The following WWOX variants were observed in gnomAD, a reference collection of about 807,000 sequenced individuals.
WWOX encodes WW domain containing oxidoreductase.
WWOX carries 69 observed loss-of-function variants against 46.2 expected under a neutral mutation model. The observed-to-expected ratio is 1.49, with a 90% CI of 1.23 to 1.82. The LOEUF is 1.82. WWOX is among the 40% of genes most tolerant of loss of function. The pLI, the probability that WWOX is intolerant of heterozygous loss-of-function variation, is 0.00. For missense variants in WWOX, 919 were observed against 542.6 expected (o/e 1.69, Z -6.89); for synonymous variants, 359 against 202.6 (o/e 1.77, Z -6.56).
At chr16:79,174,577 G>C (rs769675631) in intron 8 of WWOX, among the ~76,000 whole-genome samples, 12 of 152,238 alleles carry the variant, frequency 7.9e-5, no homozygotes, top group South Asian at 2.1e-4. Context: ...GAACCTGGGA[G>C]ACAGAGGTTT....
intron 8 of WWOX, chr16:78,526,584 A>G (rs1206281896): frequency 6.6e-6 from 1 of 152,126 alleles, no homozygotes; most frequent in African/African-American, 2.4e-5. Flanking sequence ...CCCAGATTGG[A>G]TCCTCTGCTC....
chr16:78,121,405 G>C (rs778620340), intron 4 of WWOX, among the ~76,000 whole-genome samples: 1 of 152,104 alleles, frequency 6.6e-6, no homozygotes, highest in Non-Finnish European at 1.5e-5. Context: ...TAAAAATTGA[G>C]AATTAGTACC....
chr16:78,886,905 C>G (rs908064008), intron 8 of WWOX, among the ~76,000 whole-genome samples: 1 of 151,924 alleles, frequency 6.6e-6, no homozygotes, highest in African/African-American at 2.4e-5. Context: ...ACTTTTTCCT[C>G]GAACTAGTTC....
At chr16:78,307,568 G>A (rs955158195) in intron 5 of WWOX, among the ~76,000 whole-genome samples, 2 of 152,214 alleles carry the variant, frequency 1.3e-5, no homozygotes, top group African/African-American at 2.4e-5. Flanking sequence ...GATTCAGAAG[G>A]AACCAGCTGT....
At chr16:78,331,078 T>C (rs2080744414) in intron 5 of WWOX, among the ~76,000 whole-genome samples, 1 of 152,136 alleles carries the variant, frequency 6.6e-6, no homozygotes, top group Non-Finnish European at 1.5e-5. Flanking sequence ...CCCCAAAAGA[T>C]TAAAATATAG....
At chr16:78,146,057 T>A (rs1221295705) in intron 4 of WWOX, 1 of 152,186 alleles carries the variant, frequency 6.6e-6, no homozygotes, top group Non-Finnish European at 1.5e-5. Flanking sequence ...GATAAGGACT[T>A]TAAAATGGTG....
intron 5 of WWOX, among the ~76,000 whole-genome samples, chr16:78,221,161 A>T (rs1158566496): frequency 6.6e-6 from 1 of 152,170 alleles, no homozygotes; most frequent in East Asian, 1.9e-4. Context: ...TTACTGTTGG[A>T]GCTTAAAGAA....
At chr16:79,208,381 CAA>C (rs5818213) in intron 8 of WWOX, among the ~76,000 whole-genome samples, 13 of 149,154 alleles carry the variant, frequency 8.7e-5, no homozygotes, top group Non-Finnish European at 1.5e-4. Flanking sequence ...GATTGATTCT[CAA>C]AAAAAAAAAA....
intron 8 of WWOX, among the ~76,000 whole-genome samples, chr16:78,649,783 A>C (rs1041610298): frequency 2.6e-5 from 4 of 152,174 alleles, no homozygotes; most frequent in Admixed American, 1.3e-4. Flanking sequence ...CCTTAGGAAA[A>C]CCTTACACTT....
At chr16:78,863,785 C>G (rs1048623339) in intron 8 of WWOX, among the ~76,000 whole-genome samples, 11 of 152,170 alleles carry the variant, frequency 7.2e-5, no homozygotes, top group Non-Finnish European at 1.6e-4. Context: ...CAAACTATCA[C>G]AGGCATAGTG....
chr16:78,589,890 G>GA (rs1174629298), intron 8 of WWOX, among the ~76,000 whole-genome samples: 1 of 152,134 alleles, frequency 6.6e-6, no homozygotes, highest in Non-Finnish European at 1.5e-5. Flanking sequence ...AACTCCAGGG[G>GA]AAGAGGGTCT....
At chr16:78,419,723 A>T (rs1007429373) in intron 6 of WWOX, among the ~76,000 whole-genome samples, 1 of 149,370 alleles carries the variant, frequency 6.7e-6, no homozygotes, top group East Asian at 2.0e-4. Context: ...TATTTTTCTG[A>T]TTTTGGCTTA....
intron 5 of WWOX, among the ~76,000 whole-genome samples, chr16:78,291,609 G>C (rs1255985457): frequency 6.6e-6 from 1 of 152,106 alleles, no homozygotes; most frequent in African/African-American, 2.4e-5. Context: ...ATTGCCTTCT[G>C]GTTGTAACTT....
In WWOX at chr16:78,753,124, G is replaced by A. The variant is rs1232673560; in HGVS notation, c.1056+320372G>A. ...ATCCTGGCTAACATGGTGAAACCCC[G>A]TCTCTACTAATAATACAAAAACAAA... On this transcript the variant is annotated intron_variant, in intron 8 of 8. Coordinates refer to ENST00000566780, the MANE Select transcript of WWOX (RefSeq NM_016373.4). Among the ~76,000 whole-genome samples the A allele has an allele frequency of 1.1e-4, 16 of 151,928 alleles. No individual in the cohort carries two copies. In the East Asian group the frequency reaches 1.2e-3, roughly 11 times the overall value.
At chr16:78,495,210 G>A (rs1334622603) in intron 8 of WWOX, among the ~76,000 whole-genome samples, 4 of 141,116 alleles carry the variant, frequency 2.8e-5, no homozygotes, top group Non-Finnish European at 4.5e-5. Flanking sequence ...GCATGATCTC[G>A]GCTCACTGCA....
At chr16:78,955,513 A>G (rs2046147414) in intron 8 of WWOX, among the ~76,000 whole-genome samples, 1 of 152,220 alleles carries the variant, frequency 6.6e-6, no homozygotes, top group Admixed American at 6.5e-5. Flanking sequence ...CACCTCGTGT[A>G]AGCACACCAG....
At chr16:78,725,750 C>T (rs1361002597) in intron 8 of WWOX, among the ~76,000 whole-genome samples, 2 of 152,024 alleles carry the variant, frequency 1.3e-5, no homozygotes, top group South Asian at 2.1e-4. Context: ...AGCACAGCCA[C>T]GTTCTTTCTG....
chr16:78,843,384 T>C (rs1367218395), intron 8 of WWOX, among the ~76,000 whole-genome samples: 1 of 150,180 alleles, frequency 6.7e-6, no homozygotes, highest in African/African-American at 2.4e-5. Flanking sequence ...GGTGCCTGTT[T>C]TGTTGACTTA....
chr16:78,197,627 C>T (rs140625649), intron 5 of WWOX, among the ~76,000 whole-genome samples: 1 of 152,256 alleles, frequency 6.6e-6, no homozygotes, highest in African/African-American at 2.4e-5. Flanking sequence ...CAGTTTTCAT[C>T]CTAAGGAGAG....
Sources: allele counts gnomAD v4.1 joint callset (sites outside exome capture counted in the v4.1 genomes callset), GRCh38; gene constraint gnomAD v4.1.1; transcripts MANE v1.5; gene names NCBI Gene and HGNC (gene_info 2026-07-23, HGNC 2026-07-21).